VSIG10L2: variants seen among roughly 807,000 people sequenced by gnomAD.
The protein encoded by VSIG10L2 is V-set and immunoglobulin domain-containing protein 10-like 2.
Under a neutral mutation model 67.1 loss-of-function variants are expected in VSIG10L2, and 56 were observed. The observed-to-expected ratio is 0.83, with a 90% confidence interval of 0.67 to 1.04. The LOEUF is 1.04. Ranked by LOEUF, VSIG10L2 falls within the 50% of genes least tolerant of loss-of-function variation. The pLI is 0.00. For synonymous variants in VSIG10L2, 360 were observed against 396.6 expected, an observed-to-expected ratio of 0.91 and a Z score of 1.10; for missense variants, 843 against 932.8, an observed-to-expected ratio of 0.90 and a Z score of 1.25.
rs1377578888 is a variant in VSIG10L2 at position 125,955,622 on chromosome 11, A to C, written c.2239A>C (p.Arg747=). ...LGQLLVPTEQ[R]HQQRGSREDA... ...CTCCCACTTCACTCTCAGGGAGCAAAGGCACCAACAGAGGGGTTCCAGAGA... is the reference window on the plus strand; with the variant it reads ...CTCCCACTTCACTCTCAGGGAGCAACGGCACCAACAGAGGGGTTCCAGAGA... Residue 747 remains arginine, a synonymous_variant, in exon 11 of 12, where the codon AGG becomes CGG. Transcript: ENST00000686984. The C allele has an allele frequency of 6.5e-7, 1 of 1,530,304 alleles. No individual in the cohort carries two copies. The highest frequency in any genetic ancestry group is 1.4e-5 in the African/African-American group (1 of 73,064). 94.8% of individuals were successfully genotyped at this position (1,530,304 alleles called of 1,614,324 possible). A position where few individuals can be genotyped will look rare whatever the true frequency, so the allele number is the denominator to read the frequency against.
Position 125,956,058 on chromosome 11 carries a change from A to G in VSIG10L2, c.*144A>G, listed in dbSNP as rs891873599. 5.8e-6 allele frequency: 4 copies of G among 691,338 alleles called. No homozygotes were observed. Among genetic ancestry groups the G allele is most frequent in the Non-Finnish European group, 1.1e-5 (4 of 379,494 alleles). 42.8% of individuals were successfully genotyped at this position (691,338 alleles called of 1,614,324 possible). ...TTAATACCCAGTCTTCACAACTGGT[A>G]CAAGGCCCAGCTGCAGTGTCCCTAA... is the stretch of plus-strand genomic sequence containing the variant. On this transcript the variant is annotated 3_prime_UTR_variant, in exon 12 of 12. Transcript: ENST00000686984.
intron 4 of VSIG10L2, 141 bp downstream of exon 4, chr11:125,950,430 C>T (rs1028488381): frequency 1.1e-6 from 1 of 883,008 alleles, no homozygotes; most frequent in Non-Finnish European, 1.5e-6. Context: ...GGGAGGTCTC[C>T]AACCAAGTGG....
At chr11:125,948,216 C>G (rs1366779242) in intron 2 of VSIG10L2, 89 bp from the exon 3 acceptor site, 1 of 1,231,842 alleles carries the variant, frequency 8.1e-7, no homozygotes, top group Non-Finnish European at 1.0e-6. Flanking sequence ...GCTGGTGAGT[C>G]CCCAGCCAGC....
chr11:125,954,305 C>G lies in VSIG10L2; in HGVS notation c.2005C>G (p.Pro669Ala). The G allele has an allele frequency of 8.1e-7, 1 of 1,231,962 alleles. No individual in the cohort carries two copies. The highest frequency in any genetic ancestry group is 1.0e-6 in the Non-Finnish European group (1 of 987,972). 76.3% of individuals were successfully genotyped at this position (1,231,962 alleles called of 1,614,324 possible). Residue 669 changes from proline (P) to alanine (A), a missense_variant, in exon 8 of 12, where the codon CCC (proline) becomes GCC (alanine). This residue lies in a region of VSIG10L2 where 397 missense variants were observed against 384.4 expected (regional missense o/e 1.03). Coordinates refer to ENST00000686984, the MANE Select transcript of VSIG10L2 (RefSeq NM_001365077.2). ...AGGACGGCGGCTGGGGGGCTTGGAC[C>G]CCGGGGTCCTTTATGCCTTCCGCAT... ...SRGRRLGGLD[P>A]GVLYAFRILA... is the part of the protein sequence containing the mutation.
chr11:125,948,594 T>C lies in VSIG10L2; in HGVS notation c.709+14T>C, dbSNP rs1945324511. The C allele has an allele frequency of 1.6e-6, 2 of 1,232,098 alleles. No homozygotes were observed. The highest frequency in any genetic ancestry group is 1.0e-6 in the Non-Finnish European group (1 of 988,060). The allele number at this position is 1,232,098 out of a possible 1,614,324, so 76.3% of individuals were successfully genotyped here. ...TGGACGTCATTTGTGAGTCAGACTG[T>C]GGTGGGGGGGCTGTCAGGGCTGACA... On this transcript the variant is annotated intron_variant, in intron 3 of 11. Transcript: ENST00000686984.
Position 125,950,958 on chromosome 11 carries a change from C to T in VSIG10L2, c.1034C>T (p.Ala345Val), listed in dbSNP as rs1057349346. Residue 345 changes from alanine to valine, a missense_variant, in exon 5 of 12, where the codon GCT becomes GTT. Physicochemically the swap from Ala to Val is moderately conservative, Grantham distance 64. Coordinates refer to ENST00000686984, the MANE Select transcript of VSIG10L2 (RefSeq NM_001365077.2). ...PSCAVHPSPE[A>V]VTLLCAWPGG... is the part of the protein sequence containing the mutation. The stretch of plus-strand genomic sequence containing the variant: ...TGTGCAGTGCATCCCAGCCCTGAGG[C>T]TGTGACCCTGCTCTGTGCCTGGCCT... The T allele has an allele frequency of 3.7e-5, 45 of 1,232,258 alleles. No homozygotes were observed. Among genetic ancestry groups the T allele is most frequent in the Non-Finnish European group, 4.4e-5 (43 of 988,144 alleles). 76.3% of individuals were successfully genotyped at this position (1,232,258 alleles called of 1,614,324 possible).
intron 6 of VSIG10L2, among the ~76,000 whole-genome samples, chr11:125,953,165 G>C (rs976199573): frequency 2.0e-5 from 3 of 152,164 alleles, no homozygotes; most frequent in Non-Finnish European, 4.4e-5. Flanking sequence ...GGGCAGGGAA[G>C]GAACAGGGAG....
In VSIG10L2 at chr11:125,946,158, C is replaced by T; in HGVS notation, c.82+21C>T. The T allele has an allele frequency of 5.0e-6, 2 of 399,028 alleles. No homozygotes were observed. Among genetic ancestry groups the T allele is most frequent in the Non-Finnish European group, 4.4e-6 (1 of 226,110 alleles). The allele number at this position is 399,028 out of a possible 1,614,324, so 24.7% of individuals were successfully genotyped here. A position where few individuals can be genotyped will look rare whatever the true frequency, so the allele number is the denominator to read the frequency against. ...CTCAGGTGAGTGATACTCAGACCCC[C>T]CAGGGGGTTCATTTCCCACTCCCAT... On this transcript the variant is annotated intron_variant, in intron 1 of 11. Coordinates refer to ENST00000686984, the MANE Select transcript of VSIG10L2 (RefSeq NM_001365077.2). This position sits in a 1 kb window ranked among gnomAD's most constrained non-coding sequence, Gnocchi z 4.4.
Position 125,954,274 on chromosome 11 carries a change from G to A in VSIG10L2, c.1974G>A (p.Glu658=), listed in dbSNP as rs1945420116. Residue 658 remains glutamate, a synonymous_variant, in exon 8 of 12, where the codon GAG becomes GAA. Transcript: ENST00000686984. ...CAGCAGCTAGTGACATCGAGCCAGA[G>A]AGCCGAGGACGGCGGCTGGGGGGCT... ...WETAASDIEP[E]SRGRRLGGLD... 1 of 1,232,266 alleles carries A rather than the reference G, an allele frequency of 8.1e-7. No individual in the cohort carries two copies. Among genetic ancestry groups the A allele is most frequent in the Non-Finnish European group, 1.0e-6 (1 of 988,078 alleles). 76.3% of individuals were successfully genotyped at this position (1,232,266 alleles called of 1,614,324 possible). A position where few individuals can be genotyped will look rare whatever the true frequency, so the allele number is the denominator to read the frequency against.
intron 2 of VSIG10L2, 113 bp from the exon 3 acceptor site, chr11:125,948,192 G>C: frequency 8.1e-7 from 1 of 1,231,518 alleles, no homozygotes; most frequent in Non-Finnish European, 1.0e-6. Context: ...GGAAGGGATG[G>C]TCAGGGTGGG....
chr11:125,955,042 G>A lies in VSIG10L2; in HGVS notation c.2084-15G>A, dbSNP rs1322903181. 1 of 1,234,468 alleles carries A rather than the reference G, an allele frequency of 8.1e-7. No individual in the cohort carries two copies. The highest frequency in any genetic ancestry group is 1.0e-6 in the Non-Finnish European group (1 of 989,894). The allele number at this position is 1,234,468 out of a possible 1,614,324, so 76.5% of individuals were successfully genotyped here. ...AGTGGCTCTAAACCATGGAACCTGT[G>A]CTCTCCCCTCCTAGCGGACCCCCCC... On this transcript the variant is annotated splice_polypyrimidine_tract_variant and intron_variant, in intron 8 of 11. Coordinates refer to ENST00000686984, the MANE Select transcript of VSIG10L2 (RefSeq NM_001365077.2).
intron 1 of VSIG10L2, among the ~76,000 whole-genome samples, chr11:125,947,183 G>A (rs1945310604): frequency 6.6e-6 from 1 of 152,090 alleles, no homozygotes; most frequent in Non-Finnish European, 1.5e-5. Context: ...GTGGGAGGGA[G>A]CCCTGGGATC....
chr11:125,953,369 C>A, intron 6 of VSIG10L2, 31 bp from the exon 7 acceptor site: 1 of 1,232,372 alleles, frequency 8.1e-7, no homozygotes, highest in Middle Eastern at 3.1e-4. Context: ...AGCCCTCCCA[C>A]TAGCCGGCCT....
intron 11 of VSIG10L2, 69 bp downstream of exon 11, chr11:125,955,736 C>A: frequency 7.8e-7 from 1 of 1,287,246 alleles, no homozygotes; most frequent in African/African-American, 1.5e-5. Flanking sequence ...GAGGGTGATG[C>A]TTGGTCTCTC....
In VSIG10L2 at chr11:125,946,212, T is replaced by C; in HGVS notation, c.82+75T>C. On this transcript the variant is annotated intron_variant, in intron 1 of 11. Coordinates refer to ENST00000686984, the MANE Select transcript of VSIG10L2 (RefSeq NM_001365077.2). The surrounding 1 kb of genome is among the most constrained non-coding windows in gnomAD (Gnocchi z 4.4). ...ATTATTCCTGCCACTTCCTGGGGGA[T>C]CCTCCTTTTGCACTCCATTCCATGA... 5.0e-6 allele frequency: 2 copies of C among 398,726 alleles called. No individual in the cohort carries two copies. The highest frequency in any genetic ancestry group is 6.3e-4 in the Middle Eastern group (1 of 1,590). 24.7% of individuals were successfully genotyped at this position (398,726 alleles called of 1,614,324 possible).
At chr11:125,950,527 C>T (rs1165346673) in intron 4 of VSIG10L2, among the ~76,000 whole-genome samples, 2 of 152,114 alleles carry the variant, frequency 1.3e-5, no homozygotes, top group Non-Finnish European at 2.9e-5. Context: ...CACTACATAG[C>T]ACCCCGCCGC....
Position 125,956,249 on chromosome 11 carries a change from T to A in VSIG10L2, c.*335T>A, listed in dbSNP as rs1945472522. On this transcript the variant is annotated 3_prime_UTR_variant, in exon 12 of 12. Coordinates refer to ENST00000686984, the MANE Select transcript of VSIG10L2 (RefSeq NM_001365077.2). ...TGGTGCTATAGAAGTATGAGCAAGC[T>A]AGCTGCTTCCAGAAAAAAAGTCTGT... 1.9e-6 allele frequency: 1 copy of A among 515,140 alleles called. No homozygotes were observed. The allele number at this position is 515,140 out of a possible 1,614,324, so 31.9% of individuals were successfully genotyped here. A position where few individuals can be genotyped will look rare whatever the true frequency, so the allele number is the denominator to read the frequency against.
chr11:125,955,290 CTTAA>C (rs1945445953), intron 9 of VSIG10L2, 111 bp downstream of exon 9: 13 of 1,299,278 alleles, frequency 1.0e-5, no homozygotes, highest in Non-Finnish European at 1.2e-5. Flanking sequence ...TAGGCTCTTC[CTTAA>C]TTCAGACCCT....
chr11:125,954,943 G>A lies in VSIG10L2; in HGVS notation c.2084-114G>A, dbSNP rs908614558. On this transcript the variant is annotated intron_variant, in intron 8 of 11. Transcript: ENST00000686984. ...TGGGTCCCCATGTCAGCTGCAGGGGGAACTGGATGAGCAGGGCACCGCTTC... is the reference window on the plus strand; with the variant it reads ...TGGGTCCCCATGTCAGCTGCAGGGGAAACTGGATGAGCAGGGCACCGCTTC... 237 of 1,104,474 alleles carry A rather than the reference G, an allele frequency of 2.1e-4. 1 individual carries two copies. The highest frequency in any genetic ancestry group is 2.7e-4 in the Non-Finnish European group (233 of 872,758). 68.4% of individuals were successfully genotyped at this position (1,104,474 alleles called of 1,614,324 possible). A position where few individuals can be genotyped will look rare whatever the true frequency, so the allele number is the denominator to read the frequency against.
Sources: gnomAD v4.1 joint callset for allele counts (sites outside exome capture counted in the v4.1 genomes callset) on GRCh38, gnomAD v4.1.1 for gene constraint, gnomAD v4.1.1 regional missense constraint, Gnocchi (gnomAD v3.1) non-coding constraint, MANE v1.5 for transcripts, NCBI Gene and HGNC (gene_info 2026-07-23, HGNC 2026-07-21) for gene names.